The following ABCB1 variants were observed in gnomAD, a reference collection of about 807,000 sequenced individuals.
The protein encoded by ABCB1 is ATP binding cassette subfamily B member 1.
A neutral mutation model predicts 142.0 loss-of-function variants in ABCB1; 69 were observed. That is an observed-to-expected ratio of 0.49 (90% CI 0.40 to 0.59). ABCB1 has a LOEUF of 0.59. Among genes scored for constraint, ABCB1 ranks in the 20% least tolerant of loss-of-function variants. The pLI is 0.00. For missense variants in ABCB1, 1,326 were observed against 1,554.7 expected, an observed-to-expected ratio of 0.85 and a Z score of 2.47; for synonymous variants, 532 against 539.2, an observed-to-expected ratio of 0.99 and a Z score of 0.18.
Position 87,672,312 on chromosome 7 carries a change from T to C in ABCB1, c.-331+40849A>G, listed in dbSNP as rs553144247. On this transcript the variant is annotated intron_variant, in intron 1 of 28. Coordinates refer to the ABCB1 transcript ENST00000265724. The stretch of plus-strand genomic sequence containing the variant: ...TATGCTGGGGGATCCTTTCCACCTC[T>C]GGTCAGCTTGGACTCTCCAAAGCCC... Among the ~76,000 whole-genome samples, 4 of 152,308 alleles carry C rather than the reference T, an allele frequency of 2.6e-5. No homozygotes were observed. The East Asian group carries it at 7.7e-4, about 29-fold the overall frequency.
chr7:87,515,317 G>A lies in ABCB1; in HGVS notation c.3196C>T (p.Leu1066=). ...LSLEVKKGQT[L]ALVGSSGCGK... ...CAGCCACTGCTGCCCACCAGAGCCA[G>A]CGTCTGGCCCTTCTTCACCTCCAGG... Residue 1066 remains leucine, a synonymous_variant, in exon 25 of 28, where the codon CTG becomes TTG. Coordinates refer to ENST00000622132, the MANE Select transcript of ABCB1 (RefSeq NM_001348946.2). 1 of 1,614,218 alleles carries A rather than the reference G, an allele frequency of 6.2e-7. No individual in the cohort carries two copies. The highest frequency in any genetic ancestry group is 1.1e-5 in the South Asian group (1 of 91,090).
At chr7:87,510,260 A>G (rs1814949863) in intron 25 of ABCB1, among the ~76,000 whole-genome samples, 1 of 152,272 alleles carries the variant, frequency 6.6e-6, no homozygotes, top group African/African-American at 2.4e-5. Context: ...TAGCATGGAA[A>G]TAAATAACAA....
intron 21 of ABCB1, among the ~76,000 whole-genome samples, chr7:87,526,180 T>C (rs911653380): frequency 2.0e-5 from 3 of 150,366 alleles, no homozygotes; most frequent in Non-Finnish European, 4.4e-5. Context: ...TTTTTTTTCA[T>C]ATCTCCTATT....
At chr7:87,662,300 G>A (rs1054546186) in intron 1 of ABCB1, among the ~76,000 whole-genome samples, 1 of 152,016 alleles carries the variant, frequency 6.6e-6, no homozygotes, top group African/African-American at 2.4e-5. Context: ...CTGTTCTTAT[G>A]GGGTGTCAGT....
At chr7:87,638,070 G>T (rs1035949872) in intron 1 of ABCB1, among the ~76,000 whole-genome samples, 4 of 151,464 alleles carry the variant, frequency 2.6e-5, no homozygotes, top group Non-Finnish European at 4.4e-5. Context: ...AATTTTTTTT[G>T]TCTTTCAAGT....
In ABCB1 at chr7:87,550,514, T is replaced by G. The variant is rs200199237; in HGVS notation, c.1178A>C (p.Glu393Ala). 6.2e-7 allele frequency: 1 copy of G among 1,613,554 alleles called. No individual in the cohort carries two copies. Among genetic ancestry groups the G allele is most frequent in the Non-Finnish European group, 8.5e-7 (1 of 1,180,010 alleles). Residue 393 changes from glutamate to alanine, a missense_variant, in exon 11 of 28, where the codon GAA becomes GCA. By Grantham distance (107) the Glu-to-Ala change is moderately radical (BLOSUM62 -1). Coordinates refer to ENST00000622132, the MANE Select transcript of ABCB1 (RefSeq NM_001348946.2). ...GTAACTGAAGTGAACATTTCTGAAT[T>G]CCAAATTTCCCTTAATATTATCTGG... ...HKPDNIKGNL[E>A]FRNVHFSYPS...
At chr7:87,512,256 A>T (rs1450493181) in intron 25 of ABCB1, among the ~76,000 whole-genome samples, 2 of 151,940 alleles carry the variant, frequency 1.3e-5, no homozygotes, top group Non-Finnish European at 2.9e-5. Context: ...CAAAACTTGG[A>T]GGATCCTCCC....
At chr7:87,585,106 A>G (rs1818681944) in intron 4 of ABCB1, among the ~76,000 whole-genome samples, 1 of 152,162 alleles carries the variant, frequency 6.6e-6, no homozygotes. Context: ...GTTGATAGTA[A>G]CTGCATCCTC....
chr7:87,711,841 A>G (rs537597750), intron 1 of ABCB1, among the ~76,000 whole-genome samples: 62 of 152,174 alleles, frequency 4.1e-4, no homozygotes, highest in Non-Finnish European at 7.1e-4. Context: ...AGATATTTCT[A>G]AACTACCGTT....
At chr7:87,657,218 C>T (rs1219102270) in intron 1 of ABCB1, among the ~76,000 whole-genome samples, 1 of 152,054 alleles carries the variant, frequency 6.6e-6, no homozygotes, top group East Asian at 1.9e-4. Context: ...TTACTTTTTA[C>T]CTCATATATC....
At chr7:87,539,507 C>G (rs918744006) in intron 18 of ABCB1, among the ~76,000 whole-genome samples, 162 bp from the exon 19 acceptor site, 1 of 152,144 alleles carries the variant, frequency 6.6e-6, no homozygotes, top group African/African-American at 2.4e-5. Flanking sequence ...CAAGGCTGTA[C>G]GGGTGGTGTA....
chr7:87,583,452 G>C (rs576009778), intron 4 of ABCB1, among the ~76,000 whole-genome samples: 1 of 152,112 alleles, frequency 6.6e-6, no homozygotes, highest in Non-Finnish European at 1.5e-5. Context: ...TCTCTTTCCC[G>C]TTCTCAAGAC....
rs80068398 is a variant in ABCB1, at chr7:87,665,947, C to T, written c.-331+47214G>A. On this transcript the variant is annotated intron_variant, in intron 1 of 28. Coordinates refer to the ABCB1 transcript ENST00000265724. ...TTTCTTTAGTGCTACAGTGAACATA[C>T]GTGTACATGTGTCTTTATGGTAGAA... is the stretch of plus-strand genomic sequence containing the variant. Among the ~76,000 whole-genome samples, 803 of 151,978 alleles carry T rather than the reference C, an allele frequency of 5.3e-3. 2 individuals are homozygous for T. Among genetic ancestry groups the T allele is most frequent in the Non-Finnish European group, 7.8e-3 (531 of 67,862 alleles).
intron 20 of ABCB1, among the ~76,000 whole-genome samples, chr7:87,533,024 C>T (rs1816129167): frequency 6.6e-6 from 1 of 152,000 alleles, no homozygotes; most frequent in African/African-American, 2.4e-5. Context: ...GGAGCTGCAC[C>T]AGGGCTGAAA....
In ABCB1 at chr7:87,503,940, G is replaced by A. The variant is rs1400303627; in HGVS notation, c.*303C>T. 3 of 413,010 alleles carry A rather than the reference G, an allele frequency of 7.3e-6. No homozygotes were observed. In the Admixed American group the frequency reaches 1.1e-4, roughly 16 times the overall value. The allele number at this position is 413,010 out of a possible 1,614,324, so 25.6% of individuals were successfully genotyped here. ...TTTTTGCTACTTCTATAATCTTTTAGCAAGGCAGTCAGTTACAGTCCAAAT... is the reference window on the plus strand; with the variant it reads ...TTTTTGCTACTTCTATAATCTTTTAACAAGGCAGTCAGTTACAGTCCAAAT... On this transcript the variant is annotated 3_prime_UTR_variant, in exon 28 of 28. Coordinates refer to ENST00000622132, the MANE Select transcript of ABCB1 (RefSeq NM_001348946.2).
intron 1 of ABCB1, among the ~76,000 whole-genome samples, chr7:87,665,414 A>T (rs1825125408): frequency 6.6e-6 from 1 of 152,168 alleles, no homozygotes; most frequent in African/African-American, 2.4e-5. Flanking sequence ...AAGTTACTAA[A>T]CATTGATTAA....
At chr7:87,605,373 A>T (rs1443544208), upstream of ABCB1, among the ~76,000 whole-genome samples, 1 of 152,136 alleles carries the variant, frequency 6.6e-6, no homozygotes, top group African/African-American at 2.4e-5. Flanking sequence ...GCCTCAAGTG[A>T]TCCACCCACC....
At chr7:87,642,597 T>C (rs760053733) in intron 1 of ABCB1, among the ~76,000 whole-genome samples, 13 of 151,978 alleles carry the variant, frequency 8.6e-5, no homozygotes, top group Non-Finnish European at 1.5e-4. Flanking sequence ...ATGAATCTTT[T>C]TGGAAAGTTT....
chr7:87,610,236 T>C (rs1039738680), intron 1 of ABCB1, among the ~76,000 whole-genome samples: 285 of 142,082 alleles, frequency 2.0e-3, no homozygotes, highest in African/African-American at 5.9e-3. Flanking sequence ...TTCTTTCTTT[T>C]TTTTTTTTTT....
Sources: allele counts gnomAD v4.1 joint callset (sites outside exome capture counted in the v4.1 genomes callset), GRCh38; gene constraint gnomAD v4.1.1; transcripts MANE v1.5; gene names NCBI Gene and HGNC (gene_info 2026-07-23, HGNC 2026-07-21).